Variants in ZC3HAV1 observed in about 807,000 individuals in gnomAD.
ZC3HAV1 encodes the protein zinc finger CCCH-type containing, antiviral 1.
A neutral mutation model predicts 86.6 loss-of-function variants in ZC3HAV1; 41 were observed. That is an observed-to-expected ratio of 0.47 (90% CI 0.37 to 0.61). The LOEUF is 0.61. ZC3HAV1 is among the 20% of genes least tolerant of loss of function. The probability of loss-of-function intolerance (pLI) is 0.00; values close to 1 mark genes in which losing one functional copy is unlikely to be tolerated. For synonymous variants in ZC3HAV1, 421 were observed against 432.1 expected (o/e 0.97, Z 0.32); for missense variants, 964 against 1,141.1 (o/e 0.84, Z 2.24).
intron 9 of ZC3HAV1, 74 bp from the exon 10 acceptor site, chr7:139,055,369 G>A: frequency 8.5e-6 from 11 of 1,297,340 alleles, no homozygotes; most frequent in Non-Finnish European, 1.2e-5. Context: ...TTAACTTCCA[G>A]CCACTAGGCC....
chr7:139,053,729 C>T (rs1409301761), intron 11 of ZC3HAV1, 148 bp from the exon 12 acceptor site: 3 of 1,141,152 alleles, frequency 2.6e-6, no homozygotes, highest in African/African-American at 3.3e-5. Flanking sequence ...AGCAGCTGTA[C>T]AATAATAAAT....
intron 1 of ZC3HAV1, among the ~76,000 whole-genome samples, chr7:139,093,562 A>G (rs922828719): frequency 6.6e-6 from 1 of 152,170 alleles, no homozygotes; most frequent in African/African-American, 2.4e-5. Flanking sequence ...ACCTTGTGAA[A>G]TTCCTTCTCC....
At chr7:139,103,191 C>T (rs1179533452) in intron 1 of ZC3HAV1, among the ~76,000 whole-genome samples, 2 of 150,268 alleles carry the variant, frequency 1.3e-5, no homozygotes, top group Admixed American at 6.6e-5. Flanking sequence ...TGGGCATGCA[C>T]CACCACGCCC....
At chr7:139,101,149 A>G (rs1345205636) in intron 1 of ZC3HAV1, among the ~76,000 whole-genome samples, 5 of 152,140 alleles carry the variant, frequency 3.3e-5, no homozygotes, top group South Asian at 2.1e-4. Context: ...TCAGTGCTCA[A>G]TCTTGCCCAG....
intron 9 of ZC3HAV1, among the ~76,000 whole-genome samples, chr7:139,059,020 T>A (rs1418182518): frequency 6.6e-6 from 1 of 150,418 alleles, no homozygotes; most frequent in African/African-American, 2.5e-5. Flanking sequence ...AAAAAAAAAA[T>A]GCAGTTTTGT....
Position 139,046,944 on chromosome 7 carries a change from A to G in ZC3HAV1, c.*650T>C, listed in dbSNP as rs1052857108. The G allele has an allele frequency of 6.6e-6, 1 of 152,276 alleles. No homozygotes were observed. The highest frequency in any genetic ancestry group is 1.5e-5 in the Non-Finnish European group (1 of 68,078). 9.4% of individuals were successfully genotyped at this position (152,276 alleles called of 1,614,324 possible). A position where few individuals can be genotyped will look rare whatever the true frequency, so the allele number is the denominator to read the frequency against. The stretch of plus-strand genomic sequence containing the variant: ...ACAGGAGAGAAAGGTTGCTGCAATT[A>G]CAGAAAATTTAGAAATCAGCCTTTA... On this transcript the variant is annotated 3_prime_UTR_variant, in exon 13 of 13. Coordinates refer to ENST00000242351, the MANE Select transcript of ZC3HAV1 (RefSeq NM_020119.4).
At chr7:139,090,871 A>G (rs1642605188) in intron 1 of ZC3HAV1, among the ~76,000 whole-genome samples, 1 of 152,022 alleles carries the variant, frequency 6.6e-6, no homozygotes, top group Non-Finnish European at 1.5e-5. Flanking sequence ...AGAACCAAGG[A>G]CTCTGTCAAC....
Position 139,047,650 on chromosome 7 carries a change from C to A in ZC3HAV1, c.2653G>T (p.Val885Phe), listed in dbSNP as rs543176908. 1 of 1,614,094 alleles carries A rather than the reference C, an allele frequency of 6.2e-7. No homozygotes were observed. The highest frequency in any genetic ancestry group is 1.7e-5 in the Admixed American group (1 of 60,024). ...SVFVIFQKDQ[V>F]YPQYVIEYTE... ...TATTCAATCACATATTGTGGGTAAA[C>A]CTGATCTTTCTGAAAGATGACAAAA... Residue 885 changes from valine to phenylalanine, a missense_variant, in exon 13 of 13, where the codon GTT becomes TTT. By Grantham distance (50) the Val-to-Phe change is conservative (BLOSUM62 -1). Coordinates refer to ENST00000242351, the MANE Select transcript of ZC3HAV1 (RefSeq NM_020119.4).
intron 9 of ZC3HAV1, among the ~76,000 whole-genome samples, 198 bp from the exon 10 acceptor site, chr7:139,055,493 C>A (rs1816257942): frequency 6.6e-6 from 1 of 152,222 alleles, no homozygotes; most frequent in African/African-American, 2.4e-5. Context: ...AATGCTGCAA[C>A]TATTCATAAT....
intron 1 of ZC3HAV1, among the ~76,000 whole-genome samples, chr7:139,105,035 A>G (rs1375836942): frequency 2.1e-5 from 2 of 94,718 alleles, no homozygotes; most frequent in African/African-American, 7.0e-5. Flanking sequence ...TCTGTCTCAA[A>G]AAAAAAAAAA....
intron 3 of ZC3HAV1, among the ~76,000 whole-genome samples, chr7:139,081,690 C>A (rs1055811562): frequency 6.6e-6 from 1 of 152,142 alleles, no homozygotes; most frequent in Non-Finnish European, 1.5e-5. Flanking sequence ...TATTTCTGAG[C>A]CTCAGTTTCT....
chr7:139,087,397 G>A (rs527891394), intron 2 of ZC3HAV1, among the ~76,000 whole-genome samples: 152 of 151,990 alleles, frequency 1.0e-3, no homozygotes, highest in South Asian at 2.7e-3. Context: ...GAGAGAGAGA[G>A]AGACAGAGGG....
intron 8 of ZC3HAV1, 140 bp downstream of exon 8, chr7:139,064,739 C>T: frequency 1.4e-6 from 2 of 1,388,406 alleles, no homozygotes; most frequent in South Asian, 1.3e-5. Flanking sequence ...CTGATGGCCA[C>T]TAGCTTGCAC....
At chr7:139,094,253 A>G (rs894896944) in intron 1 of ZC3HAV1, among the ~76,000 whole-genome samples, 19 of 152,092 alleles carry the variant, frequency 1.2e-4, no homozygotes, top group East Asian at 1.9e-4. Context: ...ATGTCTAACA[A>G]TCTGGTTTTA....
chr7:139,065,963 G>C (rs1465937100), intron 7 of ZC3HAV1, among the ~76,000 whole-genome samples: 1 of 152,082 alleles, frequency 6.6e-6, no homozygotes, highest in African/African-American at 2.4e-5. Context: ...ATAATCTCTA[G>C]TCTCAAAGCA....
intron 1 of ZC3HAV1, among the ~76,000 whole-genome samples, chr7:139,091,531 T>C (rs1336548957): frequency 1.3e-5 from 2 of 152,220 alleles, no homozygotes; most frequent in Admixed American, 6.5e-5. Context: ...GTCCTCTCTA[T>C]GGTGGATTGA....
intron 1 of ZC3HAV1, among the ~76,000 whole-genome samples, chr7:139,092,792 C>A (rs1339989084): frequency 6.6e-6 from 1 of 152,228 alleles, no homozygotes; most frequent in East Asian, 1.9e-4. Flanking sequence ...TTTTTCATCT[C>A]CATCCTCAGG....
intron 5 of ZC3HAV1, among the ~76,000 whole-genome samples, chr7:139,078,032 A>G (rs889452025): frequency 6.6e-6 from 1 of 152,322 alleles, no homozygotes; most frequent in Admixed American, 6.5e-5. Context: ...TGAGGTCAGG[A>G]GTTCAAGACC....
At chr7:139,071,798 A>G (rs1259768091) in intron 7 of ZC3HAV1, among the ~76,000 whole-genome samples, 2 of 152,176 alleles carry the variant, frequency 1.3e-5, no homozygotes, top group Non-Finnish European at 2.9e-5. Flanking sequence ...GCTCTACTCT[A>G]GTTGGCTCGT....
Sources: gnomAD v4.1 joint callset for allele counts (sites outside exome capture counted in the v4.1 genomes callset) on GRCh38, gnomAD v4.1.1 for gene constraint, MANE v1.5 for transcripts, NCBI Gene and HGNC (gene_info 2026-07-23, HGNC 2026-07-21) for gene names.